The following ACACB variants were observed in gnomAD, a reference collection of about 807,000 sequenced individuals.
The protein encoded by ACACB is acetyl-CoA carboxylase 2.
In ACACB, 209 loss-of-function variants were observed where a neutral mutation model predicts 278.8. The observed-to-expected ratio is 0.75, with a 90% CI of 0.67 to 0.84. ACACB has a LOEUF of 0.84. ACACB is among the 40% of genes least tolerant of loss of function. The pLI is 0.00. For synonymous variants in ACACB, 1,174 were observed against 1,285.6 expected (o/e 0.91, Z 1.86); for missense variants, 2,850 against 3,269.0 (o/e 0.87, Z 3.13).
At position 109,217,382 on chromosome 12, in the gene ACACB, A is replaced by G. The variant is rs144455826; in HGVS notation, c.3564+462A>G. Among the ~76,000 whole-genome samples the G allele has an allele frequency of 3.6e-3, 543 of 152,274 alleles. 5 individuals are homozygous for G. Among genetic ancestry groups the G allele is most frequent in the African/African-American group, 0.012 (517 of 41,544 alleles). ...GACCACTCAACACTGCCTTTGTACA[A>G]TGTAAGGGAATGGGCATGGCTGTGT... On this transcript the variant is annotated intron_variant, in intron 24 of 52. Coordinates refer to ENST00000338432, the MANE Select transcript of ACACB (RefSeq NM_001093.4).
At chr12:109,208,539 C>T (rs1345797699) in intron 20 of ACACB, among the ~76,000 whole-genome samples, 1 of 152,160 alleles carries the variant, frequency 6.6e-6, no homozygotes, top group East Asian at 1.9e-4. Flanking sequence ...TGGGGCACTT[C>T]GCAGTTTATG....
At chr12:109,144,346 C>T (rs139040222) in intron 2 of ACACB, among the ~76,000 whole-genome samples, 1 of 152,074 alleles carries the variant, frequency 6.6e-6, no homozygotes, top group Non-Finnish European at 1.5e-5. Context: ...TGAGGCTGAG[C>T]ATTTTATTAT....
Position 109,246,457 on chromosome 12 carries a change from T to G in ACACB, c.5571+9T>G. On this transcript the variant is annotated intron_variant, in intron 39 of 52. Transcript: ENST00000338432. ...CAGAAGACCCCCACAAAGTACGTCG[T>G]GAAACTGGCGGGGCAGGGTGATTCT... 6.2e-7 allele frequency: 1 copy of G among 1,606,332 alleles called. No individual in the cohort carries two copies.
chr12:109,226,570 A>T (rs2046318728), intron 27 of ACACB, among the ~76,000 whole-genome samples: 1 of 151,804 alleles, frequency 6.6e-6, no homozygotes, highest in Non-Finnish European at 1.5e-5. Context: ...ATGGTGGTGC[A>T]TGCCTGTAAT....
chr12:109,235,962 G>A, intron 33 of ACACB: 1 of 287,928 alleles, frequency 3.5e-6, no homozygotes, highest in South Asian at 6.0e-5. Flanking sequence ...TGATTCCACT[G>A]CACTCTAGCC....
At chr12:109,174,339 G>A (rs1040528947) in intron 7 of ACACB, 109 bp downstream of exon 7, 14 of 814,858 alleles carry the variant, frequency 1.7e-5, no homozygotes, top group Non-Finnish European at 1.9e-5. Context: ...CATTACAAAT[G>A]TTACTTACTT....
At chr12:109,143,554 G>A (rs2043171652) in intron 2 of ACACB, among the ~76,000 whole-genome samples, 1 of 151,582 alleles carries the variant, frequency 6.6e-6, no homozygotes, top group Non-Finnish European at 1.5e-5. Flanking sequence ...CATACAGTTA[G>A]TTATTTTGTC....
intron 2 of ACACB, 46 bp from the exon 3 acceptor site, chr12:109,166,815 A>G: frequency 6.2e-7 from 1 of 1,613,196 alleles, no homozygotes; most frequent in Non-Finnish European, 8.5e-7. Context: ...TCTGAGTCCC[A>G]GGCTTCTTCC....
chr12:109,265,571 G>C, intron 52 of ACACB, 46 bp downstream of exon 52: 4 of 1,600,224 alleles, frequency 2.5e-6, no homozygotes. Context: ...GCAAGGACCC[G>C]AGCCTGGATT....
In ACACB at chr12:109,238,671, T is replaced by C. The variant is rs530265282; in HGVS notation, c.4663-1159T>C. On this transcript the variant is annotated intron_variant, in intron 34 of 52. Transcript: ENST00000338432. ...CCTCCGCACCCCCGGGTTCAAACAA[T>C]TCTCCTGCCTCAGCCTTCTGAGTAG... Among the ~76,000 whole-genome samples the C allele has an allele frequency of 1.3e-4, 19 of 151,292 alleles. No individual in the cohort carries two copies. The East Asian group carries it at 3.7e-3, about 29-fold the overall frequency.
intron 2 of ACACB, among the ~76,000 whole-genome samples, chr12:109,163,198 T>C (rs1026041462): frequency 6.6e-6 from 1 of 152,198 alleles, no homozygotes; most frequent in Non-Finnish European, 1.5e-5. Flanking sequence ...GTGCTGGGAT[T>C]ACAGGCGTGA....
intron 50 of ACACB, 107 bp from the exon 51 acceptor site, chr12:109,265,003 T>A: frequency 7.8e-7 from 1 of 1,287,666 alleles, no homozygotes; most frequent in South Asian, 1.4e-5. Flanking sequence ...GGGAATGATC[T>A]CAGAGCCTGG....
At chr12:109,204,365 C>G (rs2045431764) in intron 19 of ACACB, among the ~76,000 whole-genome samples, 1 of 150,356 alleles carries the variant, frequency 6.7e-6, no homozygotes, top group South Asian at 2.1e-4. Context: ...ACCTCTACCT[C>G]CAGGGTTCAA....
At chr12:109,156,455 G>T (rs2043538956) in intron 2 of ACACB, among the ~76,000 whole-genome samples, 1 of 151,196 alleles carries the variant, frequency 6.6e-6, no homozygotes, top group Non-Finnish European at 1.5e-5. Context: ...TTGAGCCTGG[G>T]AGATCGAGGC....
chr12:109,159,379 C>T (rs1215589010), intron 2 of ACACB, among the ~76,000 whole-genome samples: 1 of 151,916 alleles, frequency 6.6e-6, no homozygotes, highest in Non-Finnish European at 1.5e-5. Context: ...AATGCCGGGG[C>T]CCTAGCCTAA....
chr12:109,112,414 G>A (rs1272555652), upstream of ACACB, among the ~76,000 whole-genome samples: 1 of 151,662 alleles, frequency 6.6e-6, no homozygotes, highest in African/African-American at 2.4e-5. Flanking sequence ...TAGAAACTAG[G>A]CAACTCAGCC....
chr12:109,189,053 A>C (rs987996249), intron 13 of ACACB, among the ~76,000 whole-genome samples: 6 of 152,198 alleles, frequency 3.9e-5, no homozygotes, highest in Admixed American at 1.3e-4. Flanking sequence ...AGAGCTGAGA[A>C]GCCCACATTG....
chr12:109,225,082 T>TGGAAGAATCTTTCTCA (rs1428241686), intron 27 of ACACB, among the ~76,000 whole-genome samples: 1 of 152,214 alleles, frequency 6.6e-6, no homozygotes, highest in Non-Finnish European at 1.5e-5. Flanking sequence ...GTTTCACCTC[T>TGGAAGAATCTTTCTCA]GGAAGAATCT....
intron 26 of ACACB, 137 bp downstream of exon 26, chr12:109,223,049 G>A: frequency 1.4e-6 from 1 of 718,888 alleles, no homozygotes. Context: ...AGACAGTTCA[G>A]CCCAATGTGG....
Sources: allele counts gnomAD v4.1 joint callset (sites outside exome capture counted in the v4.1 genomes callset), GRCh38; gene constraint gnomAD v4.1.1; transcripts MANE v1.5; gene names NCBI Gene and HGNC (gene_info 2026-07-23, HGNC 2026-07-21).